RRAS2: variants seen among roughly 807,000 people sequenced by gnomAD.
RRAS2 encodes the protein RAS related 2.
In RRAS2, 7 loss-of-function variants were observed where a neutral mutation model predicts 27.6. That is an observed-to-expected ratio of 0.25 (90% CI 0.14 to 0.48). RRAS2 has a LOEUF of 0.48. Among genes scored for constraint, RRAS2 ranks in the 20% least tolerant of loss-of-function variants. The probability of loss-of-function intolerance (pLI) is 0.99; values close to 1 mark genes in which losing one functional copy is unlikely to be tolerated. For synonymous variants in RRAS2, 86 were observed against 90.9 expected (o/e 0.95, Z 0.31); for missense variants, 178 against 256.2 (o/e 0.69, Z 2.08).
chr11:14,282,896 T>C (rs1013362283), intron 4 of RRAS2, among the ~76,000 whole-genome samples: 1 of 152,222 alleles, frequency 6.6e-6, no homozygotes, highest in African/African-American at 2.4e-5. Flanking sequence ...TTCTTGCTTT[T>C]TGATGTGGAT....
intron 1 of RRAS2, among the ~76,000 whole-genome samples, chr11:14,316,671 A>G (rs1167877738): frequency 6.6e-6 from 1 of 152,234 alleles, no homozygotes; most frequent in Admixed American, 6.5e-5. Flanking sequence ...TAAGCCCAGG[A>G]GGTCAAGGCT....
At chr11:14,362,521 G>A (rs782321931), upstream of RRAS2, among the ~76,000 whole-genome samples, 1 of 152,024 alleles carries the variant, frequency 6.6e-6, no homozygotes, top group Non-Finnish European at 1.5e-5. Flanking sequence ...GGAGAATATG[G>A]GAGAGGAAGA....
In RRAS2 at chr11:14,358,713, G is replaced by A. The variant is rs1441205557; in HGVS notation, c.108+50C>T. On this transcript the variant is annotated intron_variant, in intron 1 of 5. Coordinates refer to ENST00000256196, the MANE Select transcript of RRAS2 (RefSeq NM_012250.6). The surrounding 1 kb of genome is among the most constrained non-coding windows in gnomAD (Gnocchi z 5.1). ...GGCCGCCCCGCCACAGGTAGCGCCA[G>A]CCCCCGCCCGCCGCCGCTCCGGCGC... 8.6e-6 allele frequency: 10 copies of A among 1,164,244 alleles called. No homozygotes were observed. Among genetic ancestry groups the A allele is most frequent in the African/African-American group, 4.8e-5 (3 of 61,964 alleles). The allele number at this position is 1,164,244 out of a possible 1,614,324, so 72.1% of individuals were successfully genotyped here. A position where few individuals can be genotyped will look rare whatever the true frequency, so the allele number is the denominator to read the frequency against.
chr11:14,342,949 T>C (rs1191007440), intron 1 of RRAS2, among the ~76,000 whole-genome samples: 1 of 152,176 alleles, frequency 6.6e-6, no homozygotes, highest in Non-Finnish European at 1.5e-5. Context: ...CGAAGAAAAG[T>C]CACTAATTAC....
intron 1 of RRAS2, among the ~76,000 whole-genome samples, chr11:14,318,986 G>C (rs1048387225): frequency 6.6e-6 from 1 of 152,100 alleles, no homozygotes; most frequent in East Asian, 1.9e-4. Context: ...TGAAGTAGGT[G>C]GTCTTATTAT....
At chr11:14,334,969 C>G (rs1427160909) in intron 1 of RRAS2, among the ~76,000 whole-genome samples, 1 of 152,206 alleles carries the variant, frequency 6.6e-6, no homozygotes, top group Non-Finnish European at 1.5e-5. Context: ...GACTGCCCAT[C>G]CAGCGGTCTG....
chr11:14,285,165 C>T (rs1474524321), intron 4 of RRAS2, among the ~76,000 whole-genome samples: 1 of 152,090 alleles, frequency 6.6e-6, no homozygotes, highest in Non-Finnish European at 1.5e-5. Flanking sequence ...TCTGTTATTT[C>T]AGTGGCTGCT....
intron 1 of RRAS2, among the ~76,000 whole-genome samples, chr11:14,347,339 G>A (rs1306050453): frequency 6.6e-6 from 1 of 152,076 alleles, no homozygotes; most frequent in African/African-American, 2.4e-5. Flanking sequence ...AAAACAGAAT[G>A]CAGAAGATTT....
At chr11:14,353,675 C>A (rs1182806526) in intron 1 of RRAS2, among the ~76,000 whole-genome samples, 1 of 150,674 alleles carries the variant, frequency 6.6e-6, no homozygotes, top group Admixed American at 6.6e-5. Flanking sequence ...CACAAACACA[C>A]ACACACAGAG....
chr11:14,348,540 CATTT>C (rs1464221667), intron 1 of RRAS2, among the ~76,000 whole-genome samples: 8 of 152,192 alleles, frequency 5.3e-5, no homozygotes, highest in Admixed American at 2.0e-4. Flanking sequence ...ACTTCTAGAT[CATTT>C]ATTTATCATA....
At chr11:14,280,384 A>G (rs1849490895) in intron 5 of RRAS2, among the ~76,000 whole-genome samples, 1 of 152,098 alleles carries the variant, frequency 6.6e-6, no homozygotes, top group Non-Finnish European at 1.5e-5. Flanking sequence ...CTTGGCAAGG[A>G]GCTAATAAGT....
intron 1 of RRAS2, among the ~76,000 whole-genome samples, chr11:14,356,491 T>G (rs538493150): frequency 6.6e-6 from 1 of 152,202 alleles, no homozygotes; most frequent in South Asian, 2.1e-4. Context: ...GCTACCATCT[T>G]TGTCATAAAA....
At chr11:14,279,533 G>T in intron 5 of RRAS2, 109 bp from the exon 6 acceptor site, 1 of 831,062 alleles carries the variant, frequency 1.2e-6, no homozygotes, top group Non-Finnish European at 2.0e-6. Flanking sequence ...GCTTTTCAGT[G>T]TTAAACTTCA....
chr11:14,297,736 C>T (rs1489739603), intron 1 of RRAS2, among the ~76,000 whole-genome samples: 1 of 151,948 alleles, frequency 6.6e-6, no homozygotes, highest in Non-Finnish European at 1.5e-5. Context: ...TGCGCTCCAG[C>T]CTGGAAGACA....
At chr11:14,330,693 G>A (rs782599312) in intron 1 of RRAS2, among the ~76,000 whole-genome samples, 3 of 151,834 alleles carry the variant, frequency 2.0e-5, no homozygotes, top group East Asian at 1.9e-4. Context: ...ATATTCAAAC[G>A]AAAAAGGCTG....
At chr11:14,350,692 C>A (rs141378387) in intron 1 of RRAS2, among the ~76,000 whole-genome samples, 2 of 150,852 alleles carry the variant, frequency 1.3e-5, no homozygotes, top group Non-Finnish European at 2.9e-5. Context: ...CGATAGCTGA[C>A]GAGGTTAAAA....
rs546607262 is a variant in RRAS2 at position 14,328,790 on chromosome 11, C to G, written c.108+29973G>C. ...AGCAATCCTCCTGGCTCAGCCTCCCCAGTAGCTGGGATTAGAGGCATGCGC... is the reference window on the plus strand; with the variant it reads ...AGCAATCCTCCTGGCTCAGCCTCCCGAGTAGCTGGGATTAGAGGCATGCGC... On this transcript the variant is annotated intron_variant, in intron 1 of 5. Coordinates refer to ENST00000256196, the MANE Select transcript of RRAS2 (RefSeq NM_012250.6). Among the ~76,000 whole-genome samples, 19 of 151,738 alleles carry G rather than the reference C, an allele frequency of 1.3e-4. No homozygotes were observed. The South Asian group carries it at 4.0e-3, about 32-fold the overall frequency.
chr11:14,330,856 C>T (rs1405300800), intron 1 of RRAS2, among the ~76,000 whole-genome samples: 17 of 152,140 alleles, frequency 1.1e-4, no homozygotes, highest in African/African-American at 4.1e-4. Context: ...ATGAAATAGA[C>T]AAAATTGTTT....
intron 1 of RRAS2, among the ~76,000 whole-genome samples, chr11:14,323,891 A>T (rs1325700032): frequency 6.6e-6 from 1 of 152,074 alleles, no homozygotes; most frequent in Non-Finnish European, 1.5e-5. Flanking sequence ...ACTTTTTTAA[A>T]ATTATAAATA....
Sources: allele counts gnomAD v4.1 joint callset (sites outside exome capture counted in the v4.1 genomes callset), GRCh38; gene constraint gnomAD v4.1.1; non-coding constraint Gnocchi (gnomAD v3.1); transcripts MANE v1.5; gene names NCBI Gene and HGNC (gene_info 2026-07-23, HGNC 2026-07-21).